The following LOC400499 variants were observed in gnomAD, a reference collection of about 807,000 sequenced individuals.
the LOC400499 span, chr16:11,450,683 C>T: frequency 2.5e-5 from 38 of 1,536,066 alleles, no homozygotes; most frequent in Non-Finnish European, 2.8e-5. Context: ...CTGCAGCCCA[C>T]GCTGACCACC....
At chr16:11,523,599 CTT>C in the LOC400499 span, 1 of 395,548 alleles carries the variant, frequency 2.5e-6, no homozygotes, top group Admixed American at 4.4e-5. Context: ...TCTCCCCAGA[CTT>C]TGCAAAATGT....
At chr16:11,448,502 C>T in the LOC400499 span, among the ~76,000 whole-genome samples, 1 of 151,606 alleles carries the variant, frequency 6.6e-6, no homozygotes, top group Admixed American at 6.6e-5. Flanking sequence ...AACAGCAATA[C>T]CTCGTGTCTG....
the LOC400499 span, chr16:11,391,583 C>T: frequency 8.8e-7 from 1 of 1,140,932 alleles, no homozygotes; most frequent in Non-Finnish European, 1.1e-6. Flanking sequence ...GTGCCACAGG[C>T]CAATGTGAGC....
the LOC400499 span, among the ~76,000 whole-genome samples, chr16:11,455,483 C>A: frequency 6.6e-6 from 1 of 152,008 alleles, no homozygotes; most frequent in African/African-American, 2.4e-5. Context: ...ACCTGTAATA[C>A]CAGCACTTTG....
At chr16:11,424,522 C>T in the LOC400499 span, among the ~76,000 whole-genome samples, 2 of 152,240 alleles carry the variant, frequency 1.3e-5, no homozygotes, top group African/African-American at 4.8e-5. Flanking sequence ...CCAGGTTAAA[C>T]CATCTGAAAC....
At chr16:11,452,299 A>G in the LOC400499 span, among the ~76,000 whole-genome samples, 1 of 146,896 alleles carries the variant, frequency 6.8e-6, no homozygotes, top group African/African-American at 2.5e-5. Context: ...TGTATAGATT[A>G]TGTTATTCTG....
At chr16:11,456,078 C>G in the LOC400499 span, among the ~76,000 whole-genome samples, 30 of 148,358 alleles carry the variant, frequency 2.0e-4, no homozygotes, top group African/African-American at 7.4e-4. Flanking sequence ...GAGTTTCACT[C>G]TTGTTGCCCA....
At chr16:11,393,325 C>CT in the LOC400499 span, 1 of 1,195,068 alleles carries the variant, frequency 8.4e-7, no homozygotes, top group Non-Finnish European at 1.0e-6. Context: ...CCCAGACCCC[C>CT]GTCCTTTCTT....
chr16:11,493,284 G>C, the LOC400499 span, among the ~76,000 whole-genome samples: 1 of 152,234 alleles, frequency 6.6e-6, no homozygotes, highest in Non-Finnish European at 1.5e-5. Flanking sequence ...AGGTGGAGCA[G>C]GAAAGCAGCC....
chr16:11,375,692 A>G, the LOC400499 span, among the ~76,000 whole-genome samples: 2 of 148,522 alleles, frequency 1.3e-5, no homozygotes, highest in African/African-American at 4.9e-5. Context: ...GGCCATTTGC[A>G]TATCTTATTT....
At chr16:11,418,132 C>T in the LOC400499 span, among the ~76,000 whole-genome samples, 28 of 152,148 alleles carry the variant, frequency 1.8e-4, no homozygotes, top group Non-Finnish European at 3.7e-4. Flanking sequence ...TTTGGGAAGA[C>T]CAAGATGTCC....
the LOC400499 span, among the ~76,000 whole-genome samples, chr16:11,381,815 C>CGA: frequency 6.6e-6 from 1 of 152,154 alleles, no homozygotes; most frequent in Non-Finnish European, 1.5e-5. Context: ...CCACCCTCTT[C>CGA]CTTAGCTTTT....
At chr16:11,375,404 C>T in the LOC400499 span, among the ~76,000 whole-genome samples, 2 of 139,808 alleles carry the variant, frequency 1.4e-5, no homozygotes, top group Admixed American at 1.4e-4. Context: ...ACCTCTGCCT[C>T]CCGTGTTCAA....
the LOC400499 span, among the ~76,000 whole-genome samples, chr16:11,437,272 C>G: frequency 1.3e-5 from 2 of 152,200 alleles, no homozygotes; most frequent in Non-Finnish European, 1.5e-5. Flanking sequence ...TCAAAATCCA[C>G]AGGCTGGCAG....
chr16:11,477,739 G>A, the LOC400499 span: 13 of 397,298 alleles, frequency 3.3e-5, no homozygotes, highest in East Asian at 1.1e-4. Flanking sequence ...TTACCCATAC[G>A]GATGTCACCC....
chr16:11,401,686 G>C, the LOC400499 span, among the ~76,000 whole-genome samples: 1 of 152,218 alleles, frequency 6.6e-6, no homozygotes, highest in Non-Finnish European at 1.5e-5. Flanking sequence ...CTGTGGCCCC[G>C]GGCAGGTCAC....
At chr16:11,517,471 C>T in the LOC400499 span, among the ~76,000 whole-genome samples, 1 of 152,204 alleles carries the variant, frequency 6.6e-6, no homozygotes, top group Non-Finnish European at 1.5e-5. Context: ...ATTATCATCC[C>T]TCCACCCACA....
At chr16:11,520,213 T>A in the LOC400499 span, among the ~76,000 whole-genome samples, 1 of 152,158 alleles carries the variant, frequency 6.6e-6, no homozygotes, top group East Asian at 1.9e-4. Flanking sequence ...CACTGAATCA[T>A]AGACTTAAGA....
the LOC400499 span, chr16:11,462,202 G>A: frequency 1.6e-5 from 25 of 1,534,590 alleles, no homozygotes; most frequent in African/African-American, 8.2e-5. Flanking sequence ...TGAGGTTCCC[G>A]GTGAAGACGA....
Sources: allele counts gnomAD v4.1 joint callset (sites outside exome capture counted in the v4.1 genomes callset), GRCh38; gene constraint gnomAD v4.1.1; transcripts MANE v1.5.